The following TNIP2 variants were observed in gnomAD, a reference collection of about 807,000 sequenced individuals.
TNIP2 encodes the protein TNFAIP3 interacting protein 2.
In TNIP2, 30 loss-of-function variants were observed where a neutral mutation model predicts 43.7. The observed-to-expected ratio is 0.69, with a 90% confidence interval of 0.51 to 0.93. TNIP2 has a LOEUF of 0.93. Ranked by LOEUF, TNIP2 falls within the 40% of genes least tolerant of loss-of-function variation. The pLI is 0.00. For missense variants in TNIP2, 599 were observed against 591.0 expected (o/e 1.01, Z -0.14); for synonymous variants, 260 against 254.6 (o/e 1.02, Z -0.20).
In TNIP2 at chr4:2,741,889, ACCCTGG is replaced by A. The variant is rs1721795687; in HGVS notation, c.*362_*367del. On this transcript the variant is annotated 3_prime_UTR_variant, in exon 6 of 6. Transcript: ENST00000315423. ...TTCCATAGAACAGGATGGGGCTCCCACCCTGGGGACCATACAAGTGACTCCCTCAGG... is the reference window on the plus strand; with the variant it reads ...TTCCATAGAACAGGATGGGGCTCCCAGGACCATACAAGTGACTCCCTCAGG... The A allele has an allele frequency of 5.3e-6, 1 of 190,174 alleles. No homozygotes were observed. Among genetic ancestry groups the A allele is most frequent in the Admixed American group, 6.1e-5 (1 of 16,306 alleles). 11.8% of individuals were successfully genotyped at this position (190,174 alleles called of 1,614,324 possible). A position where few individuals can be genotyped will look rare whatever the true frequency, so the allele number is the denominator to read the frequency against.
intron 1 of TNIP2, 64 bp downstream of exon 1, chr4:2,755,950 C>G: frequency 6.8e-7 from 1 of 1,464,590 alleles, no homozygotes; most frequent in Non-Finnish European, 8.9e-7. Context: ...CTCACCCACC[C>G]AGGACCCGGC....
At chr4:2,751,338 C>T (rs563237431) in intron 1 of TNIP2, among the ~76,000 whole-genome samples, 3 of 152,204 alleles carry the variant, frequency 2.0e-5, no homozygotes, top group South Asian at 2.1e-4. Flanking sequence ...AGCCTGTCGC[C>T]GGGACCCACA....
chr4:2,748,996 G>A (rs1722032895), intron 1 of TNIP2, among the ~76,000 whole-genome samples: 2 of 151,740 alleles, frequency 1.3e-5, no homozygotes, highest in Non-Finnish European at 2.9e-5. Context: ...TTGCTGTGAT[G>A]CTCAGGCTGG....
chr4:2,743,129 C>G (rs1476315592), intron 5 of TNIP2, among the ~76,000 whole-genome samples: 1 of 152,198 alleles, frequency 6.6e-6, no homozygotes, highest in African/African-American at 2.4e-5. Context: ...CACTTCCTGT[C>G]TGAATGTGGA....
chr4:2,752,029 C>T (rs1237815762), intron 1 of TNIP2, among the ~76,000 whole-genome samples: 2 of 150,612 alleles, frequency 1.3e-5, no homozygotes, highest in Admixed American at 6.6e-5. Context: ...CGCTTGAACC[C>T]GGGAGGTGGA....
rs199502277 is a variant in TNIP2, at chr4:2,742,377, G to C, written c.1170C>G (p.Gly390=). 6.2e-7 allele frequency: 1 copy of C among 1,607,000 alleles called. No homozygotes were observed. Among genetic ancestry groups the C allele is most frequent in the Non-Finnish European group, 8.5e-7 (1 of 1,176,286 alleles). Residue 390 remains glycine, a synonymous_variant, in exon 6 of 6, where the codon GGC becomes GGG. Coordinates refer to ENST00000315423, the MANE Select transcript of TNIP2 (RefSeq NM_024309.4). ...CTCTCTGGGCCGCGCCAGGATGCCC[G>C]CCCTCTGCAGGGGGTTCTGGCTGCT... ...GSQQPEPPAE[G]GHPGAAQRGQ... is the part of the protein sequence containing the mutation.
intron 2 of TNIP2, 151 bp downstream of exon 2, chr4:2,747,504 G>C (rs932598245): frequency 2.6e-6 from 2 of 773,094 alleles, no homozygotes; most frequent in African/African-American, 3.5e-5. Context: ...GAAACCCTTG[G>C]ATGAGTGAGC....
At chr4:2,747,486 T>G (rs1721978740) in intron 2 of TNIP2, 169 bp downstream of exon 2, 1 of 723,074 alleles carries the variant, frequency 1.4e-6, no homozygotes, top group Admixed American at 2.4e-5. Context: ...TGTTCCATCA[T>G]TTTAAAAGAA....
At chr4:2,746,721 G>A (rs558744092) in intron 2 of TNIP2, among the ~76,000 whole-genome samples, 4 of 152,238 alleles carry the variant, frequency 2.6e-5, no homozygotes, top group East Asian at 1.9e-4. Context: ...GAAAGGACCC[G>A]AGCGAGAGGC....
In TNIP2 at chr4:2,744,738, G is replaced by C; in HGVS notation, c.865C>G (p.Arg289Gly). 1.2e-6 allele frequency: 2 copies of C among 1,606,988 alleles called. No individual in the cohort carries two copies. Among genetic ancestry groups the C allele is most frequent in the Non-Finnish European group, 1.7e-6 (2 of 1,180,010 alleles). The change falls in exon 4 of 6, where the codon CGG becomes GGG. Residue 289 changes from arginine to glycine, a missense_variant. Transcript: ENST00000315423. This position sits in a 1 kb window ranked among gnomAD's most constrained non-coding sequence, Gnocchi z 5.1. ...TGCACCCGCTCCAACGCAGCATCCCGGGCCGTCCTGGAGGCCGCCAGCTCC... is the reference window on the plus strand; with the variant it reads ...TGCACCCGCTCCAACGCAGCATCCCCGGCCGTCCTGGAGGCCGCCAGCTCC... ...KQELAASRTA[R>G]DAALERVQML... is the part of the protein sequence containing the mutation.
intron 3 of TNIP2, 72 bp downstream of exon 3, chr4:2,745,374 C>T (rs1721918374): frequency 8.4e-7 from 1 of 1,190,128 alleles, no homozygotes; most frequent in Non-Finnish European, 1.2e-6. Flanking sequence ...TGGGCATCAG[C>T]CAAGGAAAGA....
chr4:2,754,238 G>T (rs957129022), intron 1 of TNIP2, among the ~76,000 whole-genome samples: 1 of 152,172 alleles, frequency 6.6e-6, no homozygotes, highest in African/African-American at 2.4e-5. Flanking sequence ...TAGGATAATA[G>T]CCATGAATCA....
At position 2,744,259 on chromosome 4, in the gene TNIP2, A is replaced by G; in HGVS notation, c.1026+128T>C. ...CCAGGTGGCTCTCCCCACAGCAGGG[A>G]GGGGCTCGCCACAACCCTCATCACC... On this transcript the variant is annotated intron_variant, in intron 5 of 5. Coordinates refer to ENST00000315423, the MANE Select transcript of TNIP2 (RefSeq NM_024309.4). The surrounding 1 kb of genome is among the most constrained non-coding windows in gnomAD (Gnocchi z 5.1). 4.1e-6 allele frequency: 5 copies of G among 1,222,510 alleles called. No individual in the cohort carries two copies. The highest frequency in any genetic ancestry group is 4.6e-6 in the Non-Finnish European group (4 of 874,460). 75.7% of individuals were successfully genotyped at this position (1,222,510 alleles called of 1,614,324 possible). A position where few individuals can be genotyped will look rare whatever the true frequency, so the allele number is the denominator to read the frequency against.
At chr4:2,748,467 C>T (rs540870492) in intron 1 of TNIP2, among the ~76,000 whole-genome samples, 2 of 152,260 alleles carry the variant, frequency 1.3e-5, no homozygotes, top group Admixed American at 6.5e-5. Context: ...CTCAGCCTTC[C>T]GAGTAGCTGG....
intron 1 of TNIP2, among the ~76,000 whole-genome samples, chr4:2,749,859 T>C (rs897650157): frequency 2.0e-5 from 3 of 152,200 alleles, no homozygotes; most frequent in Non-Finnish European, 2.9e-5. Flanking sequence ...TCACCCAGGC[T>C]GGAGTACAGT....
chr4:2,743,823 G>C (rs1721861329), intron 5 of TNIP2, among the ~76,000 whole-genome samples: 1 of 152,206 alleles, frequency 6.6e-6, no homozygotes, highest in African/African-American at 2.4e-5. Flanking sequence ...AGTCAGTGAG[G>C]AGAAGGAAGA....
rs1722251912 is a variant in TNIP2 at position 2,756,310 on chromosome 4, GGC to G, written c.-23_-22del. 8.3e-7 allele frequency: 1 copy of G among 1,206,176 alleles called. No individual in the cohort carries two copies. Among genetic ancestry groups the G allele is most frequent in the South Asian group, 3.8e-5 (1 of 26,302 alleles). The allele number at this position is 1,206,176 out of a possible 1,614,324, so 74.7% of individuals were successfully genotyped here. On this transcript the variant is annotated 5_prime_UTR_variant, in exon 1 of 6. Coordinates refer to ENST00000315423, the MANE Select transcript of TNIP2 (RefSeq NM_024309.4). ...GACATGGCTGTAGGCCCGCCCGGGAGGCCGCGCGGCCGCCGGCAACTTCCGCG... is the reference window on the plus strand; with the variant it reads ...GACATGGCTGTAGGCCCGCCCGGGAGCGCGCGGCCGCCGGCAACTTCCGCG...
At chr4:2,750,268 C>T (rs968219345) in intron 1 of TNIP2, among the ~76,000 whole-genome samples, 3 of 152,072 alleles carry the variant, frequency 2.0e-5, no homozygotes, top group African/African-American at 7.2e-5. Context: ...AAGCTTCCCC[C>T]AGAAGTGGCG....
chr4:2,742,008 G>A lies in TNIP2; in HGVS notation c.*249C>T. The A allele has an allele frequency of 2.7e-6, 1 of 371,296 alleles. No individual in the cohort carries two copies. Among genetic ancestry groups the A allele is most frequent in the Non-Finnish European group, 4.8e-6 (1 of 208,654 alleles). 23.0% of individuals were successfully genotyped at this position (371,296 alleles called of 1,614,324 possible). On this transcript the variant is annotated 3_prime_UTR_variant, in exon 6 of 6. Coordinates refer to ENST00000315423, the MANE Select transcript of TNIP2 (RefSeq NM_024309.4). ...CTTAAGCCTGATGGAGACACAGACT[G>A]GGACCTCCCTCTGCCAGATGTTCCT... is the stretch of plus-strand genomic sequence containing the variant.
Sources: gnomAD v4.1 joint callset for allele counts (sites outside exome capture counted in the v4.1 genomes callset) on GRCh38, gnomAD v4.1.1 for gene constraint, Gnocchi (gnomAD v3.1) non-coding constraint, MANE v1.5 for transcripts, NCBI Gene and HGNC (gene_info 2026-07-23, HGNC 2026-07-21) for gene names.